Variants in VPS54 observed in about 807,000 individuals in gnomAD.
VPS54 encodes vacuolar protein sorting-associated protein 54.
In VPS54, 45 loss-of-function variants were observed where a neutral mutation model predicts 121.5. That is an observed-to-expected ratio of 0.37 (90% confidence interval 0.29 to 0.47). The LOEUF (loss-of-function observed/expected upper bound fraction) is 0.47. Among genes scored for constraint, VPS54 ranks in the 20% least tolerant of loss-of-function variants. The probability of loss-of-function intolerance (pLI) is 0.99; values close to 1 mark genes in which losing one functional copy is unlikely to be tolerated. For missense variants in VPS54, 1,090 were observed against 1,131.4 expected, an observed-to-expected ratio of 0.96 and a Z score of 0.52; for synonymous variants, 371 against 385.8, an observed-to-expected ratio of 0.96 and a Z score of 0.45.
At chr2:63,972,490 T>C (rs1676334189) in intron 3 of VPS54, among the ~76,000 whole-genome samples, 1 of 152,186 alleles carries the variant, frequency 6.6e-6, no homozygotes, top group African/African-American at 2.4e-5. Context: ...AAAATCTCCA[T>C]ATGTAGAATA....
At chr2:63,935,919 ACT>A (rs1484884020) in intron 11 of VPS54, among the ~76,000 whole-genome samples, 1 of 152,046 alleles carries the variant, frequency 6.6e-6, no homozygotes, top group Non-Finnish European at 1.5e-5. Context: ...AGGAAGGAAA[ACT>A]CTAAGTAAAA....
At chr2:63,909,884 C>T (rs560857187) in intron 20 of VPS54, among the ~76,000 whole-genome samples, 2 of 151,736 alleles carry the variant, frequency 1.3e-5, no homozygotes, top group African/African-American at 4.8e-5. Context: ...ACCACCACGC[C>T]TGGCTAATTT....
chr2:64,013,559 G>GATAT (rs1046867509), intron 1 of VPS54, among the ~76,000 whole-genome samples: 1 of 142,620 alleles, frequency 7.0e-6, no homozygotes, highest in African/African-American at 2.7e-5. Flanking sequence ...ATATATATAT[G>GATAT]ATATATATAT....
In VPS54 at chr2:63,911,329, C is replaced by T. The variant is rs577578437; in HGVS notation, c.2625+1016G>A. 2.6e-5 allele frequency among the ~76,000 whole-genome samples: 4 copies of T among 152,224 alleles called. No homozygotes were observed. The East Asian group carries it at 7.7e-4, about 29-fold the overall frequency. ...GTATAGGTATGTTTGTACATAAATA[C>T]AAATTCCTTAAGCTTCTTAAAAGTG... On this transcript the variant is annotated intron_variant, in intron 20 of 22. Coordinates refer to ENST00000272322, the MANE Select transcript of VPS54 (RefSeq NM_016516.3).
chr2:64,009,841 T>C (rs1189024023), intron 1 of VPS54, among the ~76,000 whole-genome samples: 5 of 109,968 alleles, frequency 4.5e-5, no homozygotes, highest in Admixed American at 2.0e-4. Context: ...TTCCATATAA[T>C]TGACCCTTTT....
At chr2:63,956,931 A>T (rs953121795) in intron 7 of VPS54, among the ~76,000 whole-genome samples, 1 of 152,180 alleles carries the variant, frequency 6.6e-6, no homozygotes, top group Non-Finnish European at 1.5e-5. Context: ...CAAGGTAACT[A>T]AAGATTTTCT....
chr2:63,921,416 T>C, intron 12 of VPS54, 81 bp from the exon 13 acceptor site: 5 of 1,453,662 alleles, frequency 3.4e-6, no homozygotes, highest in Non-Finnish European at 4.6e-6. Context: ...ATAAAAAGGA[T>C]GAAAAAGCTG....
intron 12 of VPS54, among the ~76,000 whole-genome samples, chr2:63,925,483 A>G (rs115317767): frequency 0.018 from 2,688 of 152,312 alleles, 34 homozygotes; most frequent in Non-Finnish European, 0.022. Context: ...AGCTAAATTG[A>G]CCATTCACAT....
chr2:63,982,190 T>C (rs1345159383), intron 2 of VPS54, among the ~76,000 whole-genome samples: 1 of 148,740 alleles, frequency 6.7e-6, no homozygotes, highest in Non-Finnish European at 1.5e-5. Flanking sequence ...GTACAATTAC[T>C]CTATCTTTTT....
chr2:63,963,307 T>C (rs1056695078), intron 6 of VPS54, among the ~76,000 whole-genome samples: 1 of 152,134 alleles, frequency 6.6e-6, no homozygotes, highest in African/African-American at 2.4e-5. Context: ...TATGGTAATA[T>C]ATATTTAAAA....
chr2:63,992,931 T>C (rs993388031), intron 1 of VPS54, among the ~76,000 whole-genome samples: 10 of 152,226 alleles, frequency 6.6e-5, no homozygotes, highest in African/African-American at 2.4e-4. Flanking sequence ...CCTCAGGGAA[T>C]GCTAAATAGC....
intron 1 of VPS54, among the ~76,000 whole-genome samples, chr2:63,985,859 A>T (rs1677027562): frequency 6.6e-6 from 1 of 152,230 alleles, no homozygotes; most frequent in Non-Finnish European, 1.5e-5. Context: ...CACACACATT[A>T]AGTGTATGGT....
chr2:63,973,824 G>A (rs1676396564), intron 3 of VPS54, among the ~76,000 whole-genome samples: 1 of 152,124 alleles, frequency 6.6e-6, no homozygotes, highest in Non-Finnish European at 1.5e-5. Flanking sequence ...GGATTACAAG[G>A]TGTAAGCCAC....
At chr2:63,969,474 T>C (rs1676163134) in intron 4 of VPS54, among the ~76,000 whole-genome samples, 1 of 152,126 alleles carries the variant, frequency 6.6e-6, no homozygotes, top group South Asian at 2.1e-4. Flanking sequence ...GAACTGCACA[T>C]GTCAGAGATC....
intron 7 of VPS54, among the ~76,000 whole-genome samples, chr2:63,950,883 A>G (rs975992392): frequency 7.2e-5 from 11 of 152,030 alleles, no homozygotes; most frequent in African/African-American, 2.7e-4. Flanking sequence ...CCAGGAACTC[A>G]TTTGCTGCCT....
chr2:63,948,977 G>A lies in VPS54; in HGVS notation c.1137+60C>T. 2.5e-6 allele frequency: 4 copies of A among 1,579,298 alleles called. No individual in the cohort carries two copies. In the South Asian group the frequency reaches 3.6e-5, roughly 14 times the overall value. On this transcript the variant is annotated intron_variant, in intron 8 of 22. Transcript: ENST00000272322. ...GATTCCTATAATCTGAGAAAAATGT[G>A]TTCTAAGCCAAGACTGTTAAGCAAT... is the stretch of plus-strand genomic sequence containing the variant.
chr2:64,012,860 G>A (rs1678493552), intron 1 of VPS54, among the ~76,000 whole-genome samples: 1 of 152,100 alleles, frequency 6.6e-6, no homozygotes, highest in African/African-American at 2.4e-5. Flanking sequence ...CTTGGCTCCA[G>A]AAAAGGTTAG....
chr2:63,920,120 T>C (rs567348220), intron 14 of VPS54, 125 bp from the exon 15 acceptor site: 2 of 694,092 alleles, frequency 2.9e-6, no homozygotes, highest in African/African-American at 3.7e-5. Flanking sequence ...AACACTTTAA[T>C]AAGCAGGACC....
At chr2:63,960,225 A>G (rs1173768461) in intron 7 of VPS54, among the ~76,000 whole-genome samples, 1 of 152,096 alleles carries the variant, frequency 6.6e-6, no homozygotes, top group East Asian at 1.9e-4. Context: ...GCAGCAGAAT[A>G]AAAACCCTGT....
Sources: gnomAD v4.1 joint callset for allele counts (sites outside exome capture counted in the v4.1 genomes callset) on GRCh38, gnomAD v4.1.1 for gene constraint, MANE v1.5 for transcripts, NCBI Gene and HGNC (gene_info 2026-07-23, HGNC 2026-07-21) for gene names.